Variants in DNAH14 observed in about 807,000 individuals in gnomAD.
DNAH14 encodes the protein dynein axonemal heavy chain 14, also known as axonemal beta dynein heavy chain 14.
Under a neutral mutation model 520.9 loss-of-function variants are expected in DNAH14, and 478 were observed. The observed-to-expected ratio is 0.92, with a 90% CI of 0.85 to 0.99. The LOEUF is 0.99. DNAH14 is among the 50% of genes least tolerant of loss of function. The probability of loss-of-function intolerance (pLI) is 0.00; values close to 1 mark genes in which losing one functional copy is unlikely to be tolerated. For missense variants in DNAH14, 4,831 were observed against 5,234.5 expected (o/e 0.92, Z 2.38); for synonymous variants, 1,581 against 1,757.2 (o/e 0.90, Z 2.51).
chr1:225,392,522 C>A, intron 84 of DNAH14, 71 bp downstream of exon 84: 2 of 1,520,848 alleles, frequency 1.3e-6, no homozygotes, highest in Non-Finnish European at 1.8e-6. Context: ...ATCAATTGTG[C>A]CCTTTACAAA....
chr1:225,186,799 A>G (rs2084817685), intron 37 of DNAH14, among the ~76,000 whole-genome samples: 1 of 151,814 alleles, frequency 6.6e-6, no homozygotes, highest in African/African-American at 2.4e-5. Context: ...TTCTGTATAT[A>G]TGACTATACT....
intron 1 of DNAH14, among the ~76,000 whole-genome samples, chr1:224,937,255 A>C (rs1185155633): frequency 3.9e-5 from 6 of 152,050 alleles, no homozygotes; most frequent in African/African-American, 1.4e-4. Context: ...GAAAGGAAGA[A>C]ATCAGATTAA....
intron 17 of DNAH14, among the ~76,000 whole-genome samples, chr1:225,058,488 G>A (rs1411551009): frequency 3.3e-5 from 5 of 152,088 alleles, no homozygotes; most frequent in Non-Finnish European, 7.4e-5. Flanking sequence ...CCAGCTCCTG[G>A]ATTCATTGAT....
At chr1:225,188,602 A>G (rs551622727) in intron 37 of DNAH14, among the ~76,000 whole-genome samples, 1 of 151,944 alleles carries the variant, frequency 6.6e-6, no homozygotes, top group East Asian at 1.9e-4. Context: ...TATTGTAGTA[A>G]GTTTTGAAAC....
chr1:225,312,761 A>G (rs2094393524), intron 60 of DNAH14, among the ~76,000 whole-genome samples: 1 of 152,198 alleles, frequency 6.6e-6, no homozygotes, highest in South Asian at 2.1e-4. Flanking sequence ...TGATTTGCAT[A>G]TGTTCAACCA....
chr1:225,212,188 G>C (rs1349373147), intron 41 of DNAH14, among the ~76,000 whole-genome samples: 1 of 151,612 alleles, frequency 6.6e-6, no homozygotes, highest in Non-Finnish European at 1.5e-5. Flanking sequence ...AGTTTGCTGA[G>C]AATGATGGTT....
chr1:225,089,409 A>T (rs12239937), intron 21 of DNAH14, among the ~76,000 whole-genome samples: 8 of 141,538 alleles, frequency 5.7e-5, no homozygotes, highest in African/African-American at 1.6e-4. Context: ...GTGTCTTTGC[A>T]CTCCAGCCTG....
rs2068529469 is a variant in DNAH14 at position 225,051,462 on chromosome 1, C to T, written c.2091C>T (p.Leu697=). 1 of 1,487,804 alleles carries T rather than the reference C, an allele frequency of 6.7e-7. No individual in the cohort carries two copies. The highest frequency in any genetic ancestry group is 8.9e-7 in the Non-Finnish European group (1 of 1,118,920). The allele number at this position is 1,487,804 out of a possible 1,614,324, so 92.2% of individuals were successfully genotyped here. A position where few individuals can be genotyped will look rare whatever the true frequency, so the allele number is the denominator to read the frequency against. ...DPAYQNIIVN[L]LTIIGNSMGL... Reference sequence around the variant, plus strand: ...ATTCTTCTTTACAGATTGTGAATCTCCTGACTATTATTGGTAATTCAATGG... The same window carrying T: ...ATTCTTCTTTACAGATTGTGAATCTTCTGACTATTATTGGTAATTCAATGG... The change falls in exon 17 of 86, where the codon CTC becomes CTT. Residue 697 remains leucine (L), a synonymous_variant. Transcript: ENST00000682510.
At chr1:225,353,959 C>T (rs200416574) in intron 73 of DNAH14, 71 bp downstream of exon 73, 1 of 909,350 alleles carries the variant, frequency 1.1e-6, no homozygotes, top group African/African-American at 1.7e-5. Flanking sequence ...TTAAACCCTT[C>T]AAAATTAAAA....
chr1:225,012,789 G>A (rs189662657), intron 10 of DNAH14, among the ~76,000 whole-genome samples: 6 of 152,138 alleles, frequency 3.9e-5, no homozygotes, highest in Admixed American at 1.3e-4. Context: ...GAAAGTTCTC[G>A]TGCTGTGTTT....
chr1:224,946,694 A>G (rs546365654), intron 1 of DNAH14, among the ~76,000 whole-genome samples: 2 of 152,096 alleles, frequency 1.3e-5, no homozygotes, highest in Non-Finnish European at 2.9e-5. Context: ...GTTATTCACT[A>G]TCTCTAGATC....
intron 1 of DNAH14, 109 bp downstream of exon 1, chr1:224,929,944 T>G (rs986635696): frequency 2.1e-6 from 1 of 475,652 alleles, no homozygotes; most frequent in Non-Finnish European, 3.7e-6. Flanking sequence ...GCGGAGGGCC[T>G]GGGCGCTCCC....
At chr1:225,250,202 A>T (rs1021506528) in intron 43 of DNAH14, among the ~76,000 whole-genome samples, 3 of 152,214 alleles carry the variant, frequency 2.0e-5, no homozygotes, top group Non-Finnish European at 4.4e-5. Flanking sequence ...CCAACAATAT[A>T]TTAGGGTTCT....
At chr1:225,003,641 T>A (rs764103089) in intron 9 of DNAH14, among the ~76,000 whole-genome samples, 1 of 152,086 alleles carries the variant, frequency 6.6e-6, no homozygotes, top group Non-Finnish European at 1.5e-5. Flanking sequence ...AGATACATAG[T>A]AGGTGCTCAC....
At chr1:225,287,360 TA>T (rs1297287704) in intron 54 of DNAH14, among the ~76,000 whole-genome samples, 10 of 151,822 alleles carry the variant, frequency 6.6e-5, no homozygotes, top group Non-Finnish European at 1.5e-4. Flanking sequence ...GGTTTGGGGG[TA>T]AAGTTAACCA....
chr1:225,227,220 T>C (rs1207755279), intron 41 of DNAH14, among the ~76,000 whole-genome samples: 1 of 152,118 alleles, frequency 6.6e-6, no homozygotes, highest in Non-Finnish European at 1.5e-5. Context: ...CATGAGGCCA[T>C]ATCTCAGGCT....
intron 25 of DNAH14, chr1:225,118,210 A>G: frequency 1.7e-6 from 1 of 590,242 alleles, no homozygotes; most frequent in East Asian, 2.9e-5. Context: ...AGCAGTCTTC[A>G]AACTCCTGGG....
At chr1:225,171,772 A>T (rs946476284) in intron 36 of DNAH14, among the ~76,000 whole-genome samples, 1 of 152,222 alleles carries the variant, frequency 6.6e-6, no homozygotes, top group African/African-American at 2.4e-5. Flanking sequence ...TCATTTTATG[A>T]GGCCAGCATC....
intron 66 of DNAH14, among the ~76,000 whole-genome samples, chr1:225,335,259 CATAT>C (rs1259212559): frequency 7.7e-6 from 1 of 130,104 alleles, no homozygotes; most frequent in East Asian, 2.5e-4. Context: ...TGTATATGCA[CATAT>C]ACACGTGTAC....
Sources: gnomAD v4.1 joint callset for allele counts (sites outside exome capture counted in the v4.1 genomes callset) on GRCh38, gnomAD v4.1.1 for gene constraint, MANE v1.5 for transcripts, NCBI Gene and HGNC (gene_info 2026-07-23, HGNC 2026-07-21) for gene names.